LYRM4: variants seen among roughly 807,000 people sequenced by gnomAD.
LYRM4 encodes LYR motif-containing protein 4.
LYRM4 carries 9 observed loss-of-function variants against 11.7 expected under a neutral mutation model. The ratio of observed to expected loss-of-function variants is 0.77; its 90% CI spans 0.46 to 1.34. The LOEUF is 1.34. Among genes scored for constraint, LYRM4 ranks in the 40% most tolerant of loss-of-function variants. The probability of loss-of-function intolerance (pLI) is 0.00; values close to 1 mark genes in which losing one functional copy is unlikely to be tolerated. For synonymous variants in LYRM4, 42 were observed against 40.4 expected (o/e 1.04, Z -0.15); for missense variants, 133 against 112.5 (o/e 1.18, Z -0.82).
At chr6:5,051,380 C>T in the LYRM4 span, among the ~76,000 whole-genome samples, 1 of 152,126 alleles carries the variant, frequency 6.6e-6, no homozygotes, top group South Asian at 2.1e-4. Context: ...ACACATTATA[C>T]TCAAACTGTC....
rs550463801 is a variant in LYRM4, at chr6:5,183,565, G to T, written c.207+33053C>A. Among the ~76,000 whole-genome samples, 5 of 152,292 alleles carry T rather than the reference G, an allele frequency of 3.3e-5. No individual in the cohort carries two copies. The South Asian group carries it at 8.3e-4, about 25-fold the overall frequency. On this transcript the variant is annotated intron_variant, in intron 2 of 2. Coordinates refer to ENST00000330636, the MANE Select transcript of LYRM4 (RefSeq NM_020408.6). ...TTCTGGAGAATAAGCTTACTACTGA[G>T]TAATTCTGCTATGCCTCTACAATCT...
In LYRM4 at chr6:5,238,879, A is replaced by G. The variant is rs148612728; in HGVS notation, c.86+21769T>C. ...AGTTATTCATAGTCCGAGACTATTAACTGGGCTCTCATTCAGCATTTATGC... is the reference window on the plus strand; with the variant it reads ...AGTTATTCATAGTCCGAGACTATTAGCTGGGCTCTCATTCAGCATTTATGC... On this transcript the variant is annotated intron_variant, in intron 1 of 2. Coordinates refer to ENST00000330636, the MANE Select transcript of LYRM4 (RefSeq NM_020408.6). Among the ~76,000 whole-genome samples the G allele has an allele frequency of 6.6e-4, 101 of 152,356 alleles. 1 individual carries two copies. The highest frequency in any genetic ancestry group is 2.4e-3 in the African/African-American group (99 of 41,578).
intron 2 of LYRM4, chr6:5,113,405 G>A (rs1352047710): frequency 7.5e-6 from 3 of 401,442 alleles, no homozygotes; most frequent in Admixed American, 5.7e-5. Flanking sequence ...GTGACAGAGC[G>A]AGATTCCGTT....
At chr6:5,243,350 A>C (rs1581588668) in intron 1 of LYRM4, among the ~76,000 whole-genome samples, 1 of 152,244 alleles carries the variant, frequency 6.6e-6, no homozygotes, top group African/African-American at 2.4e-5. Flanking sequence ...GACTCTGCGA[A>C]CAGGAAATAA....
At chr6:5,247,934 T>C (rs1246352779) in intron 1 of LYRM4, among the ~76,000 whole-genome samples, 1 of 152,128 alleles carries the variant, frequency 6.6e-6, no homozygotes, top group Non-Finnish European at 1.5e-5. Context: ...AAAATATACA[T>C]AAAAACTGGA....
At chr6:5,203,157 G>A (rs1761487086) in intron 2 of LYRM4, among the ~76,000 whole-genome samples, 1 of 152,180 alleles carries the variant, frequency 6.6e-6, no homozygotes, top group Non-Finnish European at 1.5e-5. Flanking sequence ...CCGGACTTTG[G>A]TAACTTGCTC....
intron 2 of LYRM4, among the ~76,000 whole-genome samples, chr6:5,143,532 C>T (rs1009101256): frequency 6.6e-6 from 1 of 152,180 alleles, no homozygotes; most frequent in East Asian, 1.9e-4. Context: ...ATGTGGCTGG[C>T]ATAGGCCTAA....
At chr6:5,076,459 A>G in the LYRM4 span, among the ~76,000 whole-genome samples, 3 of 152,164 alleles carry the variant, frequency 2.0e-5, no homozygotes, top group Non-Finnish European at 2.9e-5. Context: ...TGGAGGCTCA[A>G]TGTATTCTTT....
At chr6:5,121,112 CCCTGCCCTGCAAT>C (rs1319322144) in intron 2 of LYRM4, among the ~76,000 whole-genome samples, 3 of 152,166 alleles carry the variant, frequency 2.0e-5, no homozygotes, top group Non-Finnish European at 2.9e-5. Context: ...TTCCCTCCAC[CCCTGCCCTGCAAT>C]GGAGTGCATA....
the LYRM4 span, among the ~76,000 whole-genome samples, chr6:5,093,445 C>A: frequency 6.6e-6 from 1 of 152,248 alleles, no homozygotes; most frequent in East Asian, 1.9e-4. Context: ...TCCTCCCTGG[C>A]CTCTGCTGAC....
the LYRM4 span, chr6:5,086,714 C>T: frequency 9.2e-6 from 6 of 649,444 alleles, no homozygotes; most frequent in Non-Finnish European, 1.6e-5. Flanking sequence ...TTTGAACCGT[C>T]GACTCGCACC....
At chr6:5,258,050 G>A (rs911797717) in intron 1 of LYRM4, among the ~76,000 whole-genome samples, 1 of 152,150 alleles carries the variant, frequency 6.6e-6, no homozygotes, top group Non-Finnish European at 1.5e-5. Context: ...CTAGACAGGA[G>A]TGATAAAGGG....
At chr6:5,178,180 T>C (rs917625257) in intron 2 of LYRM4, among the ~76,000 whole-genome samples, 2 of 152,296 alleles carry the variant, frequency 1.3e-5, no homozygotes, top group East Asian at 1.9e-4. Flanking sequence ...TTGTTTTGTA[T>C]ATTGTCTGTG....
At chr6:5,059,925 T>A in the LYRM4 span, among the ~76,000 whole-genome samples, 1 of 152,122 alleles carries the variant, frequency 6.6e-6, no homozygotes, top group East Asian at 1.9e-4. Flanking sequence ...CTCAGTCTTT[T>A]GAGTAGCTGG....
intron 1 of LYRM4, among the ~76,000 whole-genome samples, chr6:5,249,290 G>T (rs185919194): frequency 1.3e-4 from 20 of 152,232 alleles, no homozygotes; most frequent in Admixed American, 2.6e-4. Flanking sequence ...TTGAGTCAAG[G>T]TTTCTTAATT....
intron 2 of LYRM4, among the ~76,000 whole-genome samples, chr6:5,211,011 C>T (rs1408580402): frequency 1.3e-5 from 2 of 152,008 alleles, no homozygotes; most frequent in Non-Finnish European, 2.9e-5. Flanking sequence ...GATTGACTTC[C>T]CTTTATTCCA....
At chr6:5,163,126 T>G (rs1329838873) in intron 2 of LYRM4, among the ~76,000 whole-genome samples, 1 of 152,228 alleles carries the variant, frequency 6.6e-6, no homozygotes, top group Non-Finnish European at 1.5e-5. Context: ...CACTCTTTTG[T>G]GTCCTGTTTA....
At chr6:5,066,080 T>G in the LYRM4 span, 1 of 409,288 alleles carries the variant, frequency 2.4e-6, no homozygotes, top group Non-Finnish European at 4.7e-6. Flanking sequence ...CCATGAGGAG[T>G]CATTCGAGTA....
intron 2 of LYRM4, among the ~76,000 whole-genome samples, chr6:5,164,819 T>A (rs1189608501): frequency 6.6e-6 from 1 of 152,000 alleles, no homozygotes; most frequent in Non-Finnish European, 1.5e-5. Flanking sequence ...AATTTAAAAA[T>A]TAGCTGGGTG....
Sources: allele counts gnomAD v4.1 joint callset (sites outside exome capture counted in the v4.1 genomes callset), GRCh38; gene constraint gnomAD v4.1.1; transcripts MANE v1.5; gene names NCBI Gene and HGNC (gene_info 2026-07-23, HGNC 2026-07-21).